Variants in PROM1 observed in about 807,000 individuals in gnomAD.
PROM1 encodes prominin-1.
Under a neutral mutation model 116.9 loss-of-function variants are expected in PROM1, and 105 were observed. The ratio of observed to expected loss-of-function variants is 0.90; its 90% CI spans 0.77 to 1.06. The LOEUF (loss-of-function observed/expected upper bound fraction) is 1.06, where lower values mean the gene tolerates loss of function less well. Ranked by LOEUF, PROM1 falls within the 50% of genes least tolerant of loss-of-function variation. The probability of loss-of-function intolerance (pLI) is 0.00; values close to 1 mark genes in which losing one functional copy is unlikely to be tolerated. For synonymous variants in PROM1, 393 were observed against 387.0 expected (o/e 1.02, Z -0.18); for missense variants, 1,122 against 1,045.2 (o/e 1.07, Z -1.01).
chr4:16,019,891 C>CACACACACACAT (rs1553912087), intron 8 of PROM1, among the ~76,000 whole-genome samples: 4 of 151,976 alleles, frequency 2.6e-5, no homozygotes, highest in Non-Finnish European at 4.4e-5. Context: ...CACACACACA[C>CACACACACACAT]ACACACATTT....
intron 2 of PROM1, among the ~76,000 whole-genome samples, chr4:16,074,327 C>T (rs1317594973): frequency 6.6e-6 from 1 of 151,990 alleles, no homozygotes; most frequent in Admixed American, 6.5e-5. Flanking sequence ...TCTTGTACCC[C>T]GTGAATATAT....
At chr4:16,015,644 C>T (rs769321716) in intron 10 of PROM1, among the ~76,000 whole-genome samples, 1 of 151,688 alleles carries the variant, frequency 6.6e-6, no homozygotes, top group Admixed American at 6.6e-5. Context: ...GAGCCGAGAT[C>T]GTACCACTGT....
intron 10 of PROM1, among the ~76,000 whole-genome samples, chr4:16,015,345 CAAAAAA>C (rs71649934): frequency 1.7e-4 from 9 of 51,552 alleles, no homozygotes; most frequent in African/African-American, 7.5e-4. Flanking sequence ...GACTCCATCT[CAAAAAA>C]AAAAAAAAAA....
At chr4:15,971,261 GTAT>G in intron 26 of PROM1, 179 bp from the exon 27 acceptor site, 1 of 552,802 alleles carries the variant, frequency 1.8e-6, no homozygotes, top group Non-Finnish European at 3.2e-6. Flanking sequence ...GCTTCTGTTT[GTAT>G]TGCTTTTAAA....
chr4:16,022,067 G>A (rs1021504877), intron 8 of PROM1, among the ~76,000 whole-genome samples: 3 of 147,116 alleles, frequency 2.0e-5, no homozygotes, highest in South Asian at 4.6e-4. Context: ...GTGCAAGGAA[G>A]AAAGGAGTAG....
Position 16,039,108 on chromosome 4 carries a change from CTAT to C in PROM1, c.221-110_221-108del, listed in dbSNP as rs1382514835. 1.6e-5 allele frequency: 14 copies of C among 863,488 alleles called. No homozygotes were observed. In the East Asian group the frequency reaches 5.4e-4, roughly 33 times the overall value. The allele number at this position is 863,488 out of a possible 1,614,324, so 53.5% of individuals were successfully genotyped here. A position where few individuals can be genotyped will look rare whatever the true frequency, so the allele number is the denominator to read the frequency against. ...CTTAAAAATTATTATACCTATATTT[CTAT>C]TATTCTTATAATTTTATTCTTATTT... On this transcript the variant is annotated intron_variant, in intron 2 of 27. Transcript: ENST00000447510.
At chr4:16,004,341 G>C (rs1320789393) in intron 13 of PROM1, among the ~76,000 whole-genome samples, 1 of 152,166 alleles carries the variant, frequency 6.6e-6, no homozygotes, top group Non-Finnish European at 1.5e-5. Flanking sequence ...TATAGAATTA[G>C]TATATCTAAA....
intron 1 of PROM1, chr4:16,081,967 C>G (rs958066018): frequency 5.3e-5 from 8 of 151,960 alleles, no homozygotes; most frequent in African/African-American, 1.9e-4. Context: ...ACAACAGCAA[C>G]AGTAAGGGGG....
chr4:16,081,510 C>G (rs1180165532), intron 1 of PROM1, among the ~76,000 whole-genome samples: 1 of 152,078 alleles, frequency 6.6e-6, no homozygotes, highest in African/African-American at 2.4e-5. Flanking sequence ...GCAACAAAAG[C>G]CAAAATTGAC....
chr4:16,058,416 C>A (rs556750639), intron 2 of PROM1, among the ~76,000 whole-genome samples: 3 of 152,134 alleles, frequency 2.0e-5, no homozygotes, highest in Middle Eastern at 6.8e-3. Context: ...ATGATGCCAA[C>A]GCAGGTGGAT....
At chr4:15,974,963 G>A (rs1182280209) in intron 26 of PROM1, among the ~76,000 whole-genome samples, 1 of 152,192 alleles carries the variant, frequency 6.6e-6, no homozygotes, top group Non-Finnish European at 1.5e-5. Flanking sequence ...TGAGGTGTCG[G>A]CTAATATCCA....
At position 15,984,363 on chromosome 4, in the gene PROM1, G is replaced by C; in HGVS notation, c.2281-8C>G. On this transcript the variant is annotated splice_region_variant and splice_polypyrimidine_tract_variant and intron_variant, in intron 22 of 27. Coordinates refer to ENST00000447510, the MANE Select transcript of PROM1 (RefSeq NM_006017.3). ...TGCCACTTTCTCACTGATCTAGGGG[G>C]GTGGAAACACAGGGAAACTTTGAGC... is the stretch of plus-strand genomic sequence containing the variant. 1 of 1,532,302 alleles carries C rather than the reference G, an allele frequency of 6.5e-7. No homozygotes were observed. Among genetic ancestry groups the C allele is most frequent in the Non-Finnish European group, 8.8e-7 (1 of 1,134,150 alleles). 94.9% of individuals were successfully genotyped at this position (1,532,302 alleles called of 1,614,324 possible). A position where few individuals can be genotyped will look rare whatever the true frequency, so the allele number is the denominator to read the frequency against.
At chr4:16,001,974 G>T (rs1367141564) in intron 13 of PROM1, among the ~76,000 whole-genome samples, 1 of 152,190 alleles carries the variant, frequency 6.6e-6, no homozygotes. Flanking sequence ...TGAGAATATA[G>T]CTGGCGGGAT....
In PROM1 at chr4:15,980,529, A is replaced by T; in HGVS notation, c.2382T>A (p.Phe794Leu). 1 of 1,530,406 alleles carries T rather than the reference A, an allele frequency of 6.5e-7. No individual in the cohort carries two copies. The highest frequency in any genetic ancestry group is 8.8e-7 in the Non-Finnish European group (1 of 1,136,584). The allele number at this position is 1,530,406 out of a possible 1,614,324, so 94.8% of individuals were successfully genotyped here. A position where few individuals can be genotyped will look rare whatever the true frequency, so the allele number is the denominator to read the frequency against. Residue 794 changes from phenylalanine (F) to leucine (L), a missense_variant, in exon 24 of 28, where the codon TTT (phenylalanine) becomes TTA (leucine). Transcript: ENST00000447510. ...CSYIIDPLNL[F>L]WFGIGKATVF... ...CAGTAGCTTTTCCTATGCCAAACCAAAACAAATTCTAGGAAAAAAAAATCA... is the reference window on the plus strand; with the variant it reads ...CAGTAGCTTTTCCTATGCCAAACCATAACAAATTCTAGGAAAAAAAAATCA...
chr4:16,080,201 G>T (rs36084515), intron 1 of PROM1, among the ~76,000 whole-genome samples: 1 of 146,398 alleles, frequency 6.8e-6, no homozygotes, highest in Admixed American at 6.9e-5. Flanking sequence ...CTGGAGTCCA[G>T]AGAACTGCAT....
intron 9 of PROM1, among the ~76,000 whole-genome samples, 168 bp from the exon 10 acceptor site, chr4:16,016,408 A>T (rs1000140300): frequency 2.0e-5 from 3 of 152,082 alleles, no homozygotes; most frequent in Non-Finnish European, 4.4e-5. Flanking sequence ...CACAGCTCAG[A>T]CCCTCCTTGA....
At position 16,020,121 on chromosome 4, in the gene PROM1, C is replaced by CT. The variant is rs988966298; in HGVS notation, c.785-1582dup. 5.3e-4 allele frequency among the ~76,000 whole-genome samples: 81 copies of CT among 152,162 alleles called. 3 individuals carry two copies. Among genetic ancestry groups the CT allele is most frequent in the Non-Finnish European group, 7.3e-5 (5 of 68,030 alleles). ...TGGGGCTGAGCTCTTAGGAGATGGT[C>CT]TCCCCCATGCTCACTAGGTCTGGTT... On this transcript the variant is annotated intron_variant, in intron 8 of 27. Coordinates refer to ENST00000447510, the MANE Select transcript of PROM1 (RefSeq NM_006017.3).
intron 15 of PROM1, among the ~76,000 whole-genome samples, chr4:15,995,161 G>C (rs887814367): frequency 2.6e-5 from 4 of 152,108 alleles, no homozygotes; most frequent in Non-Finnish European, 5.9e-5. Flanking sequence ...TATGGGGGAT[G>C]GGCACTGGAC....
At chr4:16,015,345 C>CAAA (rs71649934) in intron 10 of PROM1, among the ~76,000 whole-genome samples, 998 of 51,476 alleles carry the variant, frequency 0.019, 87 homozygotes, top group African/African-American at 0.049. Context: ...GACTCCATCT[C>CAAA]AAAAAAAAAA....
Sources: allele counts gnomAD v4.1 joint callset (sites outside exome capture counted in the v4.1 genomes callset), GRCh38; gene constraint gnomAD v4.1.1; transcripts MANE v1.5; gene names NCBI Gene and HGNC (gene_info 2026-07-23, HGNC 2026-07-21).